Variants in CPE observed in about 807,000 individuals in gnomAD.
The protein encoded by CPE is carbocypeptidase E.
Under a neutral mutation model 53.5 loss-of-function variants are expected in CPE, and 17 were observed. The observed-to-expected ratio is 0.32, with a 90% CI of 0.22 to 0.48. The LOEUF (loss-of-function observed/expected upper bound fraction) is 0.48. Among genes scored for constraint, CPE ranks in the 20% least tolerant of loss-of-function variants. CPE has a pLI of 0.99. For synonymous variants in CPE, 226 were observed against 228.8 expected (o/e 0.99, Z 0.11); for missense variants, 524 against 614.7 (o/e 0.85, Z 1.56).
intron 1 of CPE, among the ~76,000 whole-genome samples, chr4:165,459,351 G>T (rs1416966127): frequency 6.6e-6 from 1 of 152,164 alleles, no homozygotes; most frequent in Admixed American, 6.5e-5. Context: ...CACATTAAAT[G>T]TTCTGTGATA....
chr4:165,461,196 G>GA (rs1731997569), intron 1 of CPE, among the ~76,000 whole-genome samples: 2 of 94,296 alleles, frequency 2.1e-5, no homozygotes, highest in African/African-American at 4.9e-5. Context: ...AAGAAAGAAA[G>GA]AAAAGAAAAG....
intron 1 of CPE, among the ~76,000 whole-genome samples, chr4:165,392,142 G>A (rs568016083): frequency 4.7e-5 from 7 of 149,428 alleles, no homozygotes; most frequent in East Asian, 2.0e-4. Flanking sequence ...TCATCAAGAC[G>A]GTAAAACTAT....
chr4:165,441,003 T>G (rs1296570971), intron 1 of CPE, among the ~76,000 whole-genome samples: 1 of 152,094 alleles, frequency 6.6e-6, no homozygotes, highest in Non-Finnish European at 1.5e-5. Context: ...GGGTGGCAAA[T>G]GCATCAGTAC....
chr4:165,485,349 A>G (rs1732490404), intron 5 of CPE, among the ~76,000 whole-genome samples: 1 of 152,192 alleles, frequency 6.6e-6, no homozygotes, highest in Non-Finnish European at 1.5e-5. Flanking sequence ...CTGGAAAAAG[A>G]AAATTTGTTA....
At chr4:165,409,459 C>T (rs10018811) in intron 1 of CPE, among the ~76,000 whole-genome samples, 92 of 152,346 alleles carry the variant, frequency 6.0e-4, no homozygotes, top group African/African-American at 2.1e-3. Flanking sequence ...CCGCCTCAGA[C>T]TCCCGAAGTG....
chr4:165,492,450 G>A (rs1732623195), intron 6 of CPE, among the ~76,000 whole-genome samples: 1 of 152,168 alleles, frequency 6.6e-6, no homozygotes, highest in African/African-American at 2.4e-5. Context: ...ATTGGAGCAG[G>A]ACGAGCTGCA....
At chr4:165,431,361 A>T (rs1731406553) in intron 1 of CPE, among the ~76,000 whole-genome samples, 1 of 152,218 alleles carries the variant, frequency 6.6e-6, no homozygotes, top group African/African-American at 2.4e-5. Flanking sequence ...GAAAAAGGCG[A>T]AAGGACCGGC....
intron 1 of CPE, among the ~76,000 whole-genome samples, chr4:165,382,300 A>G (rs961806015): frequency 6.6e-6 from 1 of 152,246 alleles, no homozygotes; most frequent in Non-Finnish European, 1.5e-5. Context: ...ACAAATTCCA[A>G]AATAGCTGGT....
At chr4:165,405,004 G>A (rs1001752612) in intron 1 of CPE, 4 of 744,270 alleles carry the variant, frequency 5.4e-6, no homozygotes, top group Non-Finnish European at 7.5e-6. Context: ...TAAAACTAAG[G>A]AAGTTGTGAT....
chr4:165,391,189 T>C (rs562399573), intron 1 of CPE, among the ~76,000 whole-genome samples: 52 of 152,282 alleles, frequency 3.4e-4, no homozygotes, highest in Non-Finnish European at 1.8e-4. Flanking sequence ...GCTGAACTCA[T>C]TGGATACTAT....
At chr4:165,450,739 C>T (rs1162556673) in intron 1 of CPE, among the ~76,000 whole-genome samples, 1 of 152,164 alleles carries the variant, frequency 6.6e-6, no homozygotes, top group East Asian at 1.9e-4. Flanking sequence ...AGATTTAATA[C>T]ACACAGCAGG....
At chr4:165,382,534 A>G (rs1730519949) in intron 1 of CPE, among the ~76,000 whole-genome samples, 1 of 152,172 alleles carries the variant, frequency 6.6e-6, no homozygotes, top group Non-Finnish European at 1.5e-5. Context: ...AGATTTGTTG[A>G]TTAGTTTTCT....
chr4:165,493,114 C>G, intron 6 of CPE, 57 bp from the exon 7 acceptor site: 1 of 1,074,910 alleles, frequency 9.3e-7, no homozygotes, highest in Non-Finnish European at 1.4e-6. Context: ...ATATTTAAGG[C>G]CATTTCTATA....
chr4:165,415,956 C>T (rs1310727701), intron 1 of CPE, among the ~76,000 whole-genome samples: 1 of 152,056 alleles, frequency 6.6e-6, no homozygotes, highest in East Asian at 1.9e-4. Flanking sequence ...TCTAGATCCC[C>T]CAGAGGTAAA....
intron 1 of CPE, among the ~76,000 whole-genome samples, chr4:165,411,480 G>A (rs1008647606): frequency 4.6e-4 from 70 of 152,210 alleles, no homozygotes; most frequent in African/African-American, 1.6e-3. Flanking sequence ...GTAAATCAGT[G>A]TCATACCAGT....
intron 5 of CPE, among the ~76,000 whole-genome samples, chr4:165,485,147 GC>G (rs2126712966): frequency 6.6e-6 from 1 of 152,308 alleles, no homozygotes; most frequent in African/African-American, 2.4e-5. Flanking sequence ...GGAAGCAGTT[GC>G]CATGTGGGAC....
intron 3 of CPE, among the ~76,000 whole-genome samples, chr4:165,476,934 G>A (rs1025289705): frequency 7.2e-5 from 11 of 152,236 alleles, no homozygotes; most frequent in African/African-American, 2.2e-4. Flanking sequence ...GGGCAGTCCT[G>A]TGTGGTAAAC....
At chr4:165,451,931 G>GT (rs796524665) in intron 1 of CPE, among the ~76,000 whole-genome samples, 1,501 of 143,016 alleles carry the variant, frequency 0.01, 29 homozygotes, top group African/African-American at 0.034. Flanking sequence ...CCCAACCCCC[G>GT]TTTTTTTTTT....
At position 165,498,229 on chromosome 4, in the gene CPE, G is replaced by A. The variant is rs1732740893; in HGVS notation, c.*619G>A. 1 of 152,070 alleles carries A rather than the reference G, an allele frequency of 6.6e-6. No homozygotes were observed. Among genetic ancestry groups the A allele is most frequent in the Non-Finnish European group, 1.5e-5 (1 of 68,034 alleles). The allele number at this position is 152,070 out of a possible 1,614,324, so 9.4% of individuals were successfully genotyped here. A position where few individuals can be genotyped will look rare whatever the true frequency, so the allele number is the denominator to read the frequency against. ...GCAATACTATTATATTATGTAGTCCGTTAACACTACTTAAAAGTTTAGGGT... is the reference window on the plus strand; with the variant it reads ...GCAATACTATTATATTATGTAGTCCATTAACACTACTTAAAAGTTTAGGGT... On this transcript the variant is annotated 3_prime_UTR_variant, in exon 9 of 9. Transcript: ENST00000402744.
Sources: gnomAD v4.1 joint callset for allele counts (sites outside exome capture counted in the v4.1 genomes callset) on GRCh38, gnomAD v4.1.1 for gene constraint, MANE v1.5 for transcripts, NCBI Gene and HGNC (gene_info 2026-07-23, HGNC 2026-07-21) for gene names.